Variants in SIN3B observed in about 807,000 individuals in gnomAD.
SIN3B encodes the protein paired amphipathic helix protein Sin3b.
Under a neutral mutation model 120.2 loss-of-function variants are expected in SIN3B, and 19 were observed. That is an observed-to-expected ratio of 0.16 (90% CI 0.11 to 0.23). The LOEUF (loss-of-function observed/expected upper bound fraction) is 0.23, where lower values mean the gene tolerates loss of function less well. SIN3B is among the 10% of genes least tolerant of loss of function. The pLI is 1.00. For missense variants in SIN3B, 1,073 were observed against 1,573.0 expected, an observed-to-expected ratio of 0.68 and a Z score of 5.38; for synonymous variants, 654 against 653.2, an observed-to-expected ratio of 1.00 and a Z score of -0.02.
At chr19:16,874,009 C>T (rs2144627835) in intron 14 of SIN3B, among the ~76,000 whole-genome samples, 1 of 152,354 alleles carries the variant, frequency 6.6e-6, no homozygotes, top group African/African-American at 2.4e-5. Context: ...ATGGAACCCC[C>T]AAGGAGTGTG....
intron 3 of SIN3B, among the ~76,000 whole-genome samples, chr19:16,835,994 C>T (rs1005494746): frequency 1.3e-5 from 2 of 151,616 alleles, no homozygotes; most frequent in Non-Finnish European, 2.9e-5. Context: ...GTATCTTTTT[C>T]CCCCCCCAAT....
intron 8 of SIN3B, among the ~76,000 whole-genome samples, chr19:16,858,914 C>T (rs1971651274): frequency 6.6e-6 from 1 of 152,142 alleles, no homozygotes; most frequent in South Asian, 2.1e-4. Context: ...TGTACCACTG[C>T]ACTCTAGCCT....
rs773710715 is a variant in SIN3B at position 16,869,455 on chromosome 19, C to A, written c.1807-5C>A. The stretch of plus-strand genomic sequence containing the variant: ...TCCACCTAATGGCCGCCCTTCCCCC[C>A]ACAGCACCAGGAGCAGCACTCGGAG... On this transcript the variant is annotated splice_region_variant and splice_polypyrimidine_tract_variant and intron_variant, in intron 12 of 18. Transcript: ENST00000248054. The A allele has an allele frequency of 6.3e-7, 1 of 1,599,476 alleles. No individual in the cohort carries two copies.
Position 16,878,276 on chromosome 19 carries a change from G to A in SIN3B, c.3048G>A (p.Val1016=). 6.2e-7 allele frequency: 1 copy of A among 1,601,332 alleles called. No individual in the cohort carries two copies. Among genetic ancestry groups the A allele is most frequent in the Non-Finnish European group, 8.5e-7 (1 of 1,174,738 alleles). The part of the protein sequence containing the change: ...ARSSWKRLVG[V]ESACDVDCRF... ...GCTCCTGGAAGCGGCTGGTGGGCGT[G>A]GAGAGCGCCTGCGACGTGGACTGCC... is the stretch of plus-strand genomic sequence containing the variant. Residue 1016 remains valine (V), a synonymous_variant, in exon 18 of 19, where the codon GTG becomes GTA. Transcript: ENST00000248054.
rs28640984 is a variant in SIN3B at position 16,846,024 on chromosome 19, C to T, written c.583-946C>T. On this transcript the variant is annotated intron_variant, in intron 4 of 18. Transcript: ENST00000248054. ...TTGGACTGAAGCCAGTCTCCTGCCT[C>T]GGCCTCCCAAAGTGCTGGGATTACA... Among the ~76,000 whole-genome samples the T allele has an allele frequency of 1.9e-3, 290 of 151,900 alleles. 1 individual carries two copies. The highest frequency in any genetic ancestry group is 6.8e-3 in the African/African-American group (282 of 41,418).
intron 8 of SIN3B, among the ~76,000 whole-genome samples, chr19:16,858,304 T>C (rs1874780554): frequency 1.3e-5 from 2 of 152,158 alleles, no homozygotes; most frequent in Non-Finnish European, 2.9e-5. Context: ...TCTGTGATAT[T>C]AGCCTCCCAG....
Position 16,876,521 on chromosome 19 carries a change from G to T in SIN3B, c.2802G>T (p.Met934Ile). 1 of 1,613,474 alleles carries T rather than the reference G, an allele frequency of 6.2e-7. No individual in the cohort carries two copies. Among genetic ancestry groups the T allele is most frequent in the South Asian group, 1.1e-5 (1 of 91,068 alleles). ...TGCAGCGCAAAGGGCAGGTGATCAT[G>T]ACCATCGAGCTCCTGGACACCGAGG... The part of the protein sequence containing the change: ...MFLQRKGQVI[M>I]TIELLDTEEA... The change falls in exon 16 of 19, where the codon ATG (methionine) becomes ATT (isoleucine). Residue 934 changes from methionine to isoleucine, a missense_variant. Met to Ile is a conservative substitution (Grantham distance 10, BLOSUM62 1). Coordinates refer to ENST00000248054, the MANE Select transcript of SIN3B (RefSeq NM_001297595.2). The surrounding 1 kb of genome is among the most constrained non-coding windows in gnomAD (Gnocchi z 7.1).
At chr19:16,866,244 G>A in intron 11 of SIN3B, 129 bp from the exon 12 acceptor site, 1 of 836,568 alleles carries the variant, frequency 1.2e-6, no homozygotes, top group Non-Finnish European at 1.8e-6. Flanking sequence ...GCACAGACTA[G>A]GCTGGGAGCT....
intron 16 of SIN3B, chr19:16,877,229 CCA>C: frequency 2.5e-6 from 1 of 398,016 alleles, no homozygotes; most frequent in Non-Finnish European, 4.6e-6. Context: ...CAGTCCACAA[CCA>C]CAGTGTGGGC....
chr19:16,869,740 G>C lies in SIN3B; in HGVS notation c.2087G>C (p.Ser696Thr), dbSNP rs1172360232. The C allele has an allele frequency of 6.2e-7, 1 of 1,613,396 alleles. No homozygotes were observed. Among genetic ancestry groups the C allele is most frequent in the Non-Finnish European group, 8.5e-7 (1 of 1,179,982 alleles). ...DSPQGQTTDP[S>T]ERKKPAPGPH... ...CCCCAGGGGCAGACCACAGACCCCA[G>C]TGAGCGGAAGAAGCCGGCGCCAGGA... Residue 696 changes from serine (S) to threonine (T), a missense_variant, in exon 13 of 19, where the codon AGT (serine) becomes ACT (threonine). This residue lies in a region of SIN3B where 169 missense variants were observed against 207.3 expected (regional missense o/e 0.82). Transcript: ENST00000248054.
At chr19:16,871,130 C>T in intron 13 of SIN3B, 99 bp from the exon 14 acceptor site, 2 of 1,482,182 alleles carry the variant, frequency 1.3e-6, no homozygotes, top group Non-Finnish European at 1.9e-6. Context: ...CTGTTGGGCC[C>T]CATGGGGGCA....
chr19:16,877,585 G>A lies in SIN3B; in HGVS notation c.2900G>A (p.Gly967Asp). 6.2e-7 allele frequency: 1 copy of A among 1,612,382 alleles called. No homozygotes were observed. The highest frequency in any genetic ancestry group is 8.5e-7 in the Non-Finnish European group (1 of 1,179,574). ...RYVEQYVGTEGASSSPTEGFL... is the reference protein window; with the variant it reads ...RYVEQYVGTEDASSSPTEGFL... ...GTGGAGCAGTATGTGGGGACCGAGG[G>A]CGCGTCCAGCTCGCCCACTGAGGGC... Residue 967 changes from glycine to aspartate, a missense_variant, in exon 17 of 19, where the codon GGC becomes GAC. By Grantham distance (94) the Gly-to-Asp change is moderately conservative. Coordinates refer to ENST00000248054, the MANE Select transcript of SIN3B (RefSeq NM_001297595.2).
At chr19:16,851,709 G>A (rs564028319) in intron 6 of SIN3B, among the ~76,000 whole-genome samples, 175 bp downstream of exon 6, 1 of 152,360 alleles carries the variant, frequency 6.6e-6, no homozygotes, top group East Asian at 1.9e-4. Context: ...TAAGGTGGCT[G>A]TTCTTCCGTT....
Position 16,862,221 on chromosome 19 carries a change from A to ATTCG in SIN3B, c.1059-130_1059-127dup. On this transcript the variant is annotated intron_variant, in intron 8 of 18. Coordinates refer to ENST00000248054, the MANE Select transcript of SIN3B (RefSeq NM_001297595.2). This position sits in a 1 kb window ranked among gnomAD's most constrained non-coding sequence, Gnocchi z 4.7. ...TGTGTATTGGATTCTTCCGCCTCTC[A>ATTCG]TTCGCATCCATGATGTTGAATTCTG... 1.4e-6 allele frequency: 1 copy of ATTCG among 717,532 alleles called. No homozygotes were observed. 44.4% of individuals were successfully genotyped at this position (717,532 alleles called of 1,614,324 possible). A position where few individuals can be genotyped will look rare whatever the true frequency, so the allele number is the denominator to read the frequency against.
chr19:16,858,954 C>T (rs1038963345), intron 8 of SIN3B, among the ~76,000 whole-genome samples: 18 of 151,316 alleles, frequency 1.2e-4, no homozygotes, highest in African/African-American at 3.4e-4. Context: ...CTCAAAAAAA[C>T]GAAAACAAAA....
chr19:16,841,670 G>GT (rs1236584318), intron 3 of SIN3B, 98 bp from the exon 4 acceptor site: 6 of 1,203,272 alleles, frequency 5.0e-6, no homozygotes, highest in Admixed American at 3.6e-5. Flanking sequence ...TCCGTGCTGA[G>GT]TTTTTTCTGT....
At chr19:16,848,826 C>T (rs1971510807) in intron 5 of SIN3B, among the ~76,000 whole-genome samples, 1 of 152,110 alleles carries the variant, frequency 6.6e-6, no homozygotes, top group African/African-American at 2.4e-5. Context: ...ATTGTAGAGA[C>T]AGGGTCTCAC....
At chr19:16,877,706 T>A in intron 17 of SIN3B, 67 bp downstream of exon 17, 5 of 1,123,978 alleles carry the variant, frequency 4.4e-6, no homozygotes, top group Non-Finnish European at 5.3e-6. Context: ...CCCTTTGTCC[T>A]GACGGGGGCT....
chr19:16,870,218 C>T (rs908160166), intron 13 of SIN3B, 143 bp downstream of exon 13: 2 of 1,051,522 alleles, frequency 1.9e-6, no homozygotes, highest in South Asian at 1.7e-5. Flanking sequence ...AAATTGCAAA[C>T]AGGAAGTTGC....
Sources: gnomAD v4.1 joint callset for allele counts (sites outside exome capture counted in the v4.1 genomes callset) on GRCh38, gnomAD v4.1.1 for gene constraint, gnomAD v4.1.1 regional missense constraint, Gnocchi (gnomAD v3.1) non-coding constraint, MANE v1.5 for transcripts, NCBI Gene and HGNC (gene_info 2026-07-23, HGNC 2026-07-21) for gene names.